EP400: variants seen among roughly 807,000 people sequenced by gnomAD.
EP400 encodes E1A binding protein p400, also known as E1A-binding protein p400.
A neutral mutation model predicts 354.1 loss-of-function variants in EP400; 105 were observed. That is an observed-to-expected ratio of 0.30 (90% CI 0.25 to 0.35). EP400 has a LOEUF of 0.35. Among genes scored for constraint, EP400 ranks in the 10% least tolerant of loss-of-function variants. The pLI is 1.00. For missense variants in EP400, 3,280 were observed against 4,121.0 expected (o/e 0.80, Z 5.59); for synonymous variants, 1,646 against 1,716.9 (o/e 0.96, Z 1.02).
intron 1 of EP400, among the ~76,000 whole-genome samples, chr12:131,958,026 A>G (rs772230003): frequency 6.6e-6 from 1 of 152,190 alleles, no homozygotes; most frequent in African/African-American, 2.4e-5. Context: ...GAATTACTAT[A>G]TGTGAGAGAG....
At chr12:132,037,368 A>G (rs1894753797) in intron 30 of EP400, among the ~76,000 whole-genome samples, 1 of 152,230 alleles carries the variant, frequency 6.6e-6, no homozygotes, top group Non-Finnish European at 1.5e-5. Flanking sequence ...TGCTGGAGGT[A>G]CATCTGGAAG....
chr12:132,064,154 C>T (rs1037815070), intron 47 of EP400, among the ~76,000 whole-genome samples: 5 of 152,006 alleles, frequency 3.3e-5, no homozygotes, highest in Non-Finnish European at 5.9e-5. Context: ...ACACCAGTGC[C>T]GTCAACATCA....
chr12:131,975,092 T>C (rs1892426074), intron 2 of EP400, among the ~76,000 whole-genome samples: 2 of 150,676 alleles, frequency 1.3e-5, no homozygotes, highest in Non-Finnish European at 2.9e-5. Context: ...CAAGGCTGAG[T>C]GTGCCGTGCC....
Position 132,013,893 on chromosome 12 carries a change from G to T in EP400, c.3903G>T (p.Glu1301Asp). 1 of 1,614,228 alleles carries T rather than the reference G, an allele frequency of 6.2e-7. No homozygotes were observed. The highest frequency in any genetic ancestry group is 1.3e-5 in the African/African-American group (1 of 75,062). The change falls in exon 19 of 53, where the codon GAG becomes GAT. Residue 1301 changes from glutamate to aspartate, a missense_variant. Coordinates refer to ENST00000389561, the MANE Select transcript of EP400 (RefSeq NM_015409.5). The surrounding 1 kb of genome is among the most constrained non-coding windows in gnomAD (Gnocchi z 4.5). ...RLSNRQKALY[E>D]DVILQPGTQE... ...CTAACCGACAAAAAGCCTTATACGA[G>T]GACGTTATCCTGCAACCTGGGTGAG...
rs968072622 is a variant in EP400 at position 132,054,844 on chromosome 12, G to C, written c.7729-130G>C. On this transcript the variant is annotated intron_variant, in intron 43 of 52. Coordinates refer to ENST00000389561, the MANE Select transcript of EP400 (RefSeq NM_015409.5). The surrounding 1 kb of genome is among the most constrained non-coding windows in gnomAD (Gnocchi z 4.0). The stretch of plus-strand genomic sequence containing the variant: ...ACCGCCAGGTGGAATGAGCTGGGGA[G>C]GATGGGACAGGTGGCTGTGTGAATG... 2.2e-6 allele frequency: 2 copies of C among 928,400 alleles called. No homozygotes were observed. Among genetic ancestry groups the C allele is most frequent in the African/African-American group, 3.3e-5 (2 of 61,100 alleles). 57.5% of individuals were successfully genotyped at this position (928,400 alleles called of 1,614,324 possible). A position where few individuals can be genotyped will look rare whatever the true frequency, so the allele number is the denominator to read the frequency against.
intron 51 of EP400, 33 bp downstream of exon 51, chr12:132,069,674 C>A (rs745604779): frequency 6.2e-7 from 1 of 1,610,528 alleles, no homozygotes; most frequent in Non-Finnish European, 8.5e-7. Context: ...GCCCGAGTGT[C>A]AGGAGTGGGT....
intron 39 of EP400, 78 bp downstream of exon 39, chr12:132,045,978 C>CAGTGAAGAGCAGGACTGGAG: frequency 1.3e-6 from 2 of 1,531,596 alleles, no homozygotes; most frequent in Non-Finnish European, 1.8e-6. Context: ...CAGCTCCAGT[C>CAGTGAAGAGCAGGACTGGAG]CTGCTCTTCA....
intron 4 of EP400, 94 bp downstream of exon 4, chr12:131,981,690 A>AG: frequency 9.1e-7 from 1 of 1,103,538 alleles, no homozygotes; most frequent in South Asian, 1.4e-5. Context: ...TGGGCAGTGG[A>AG]GGTAGCGTGT....
chr12:131,989,747 T>C (rs762932897), intron 7 of EP400, among the ~76,000 whole-genome samples: 2 of 152,192 alleles, frequency 1.3e-5, no homozygotes, highest in Non-Finnish European at 2.9e-5. Flanking sequence ...TGGTGAAAAG[T>C]ATAAAAACAC....
At position 132,055,184 on chromosome 12, in the gene EP400, G is replaced by A. The variant is rs749524997; in HGVS notation, c.7860G>A (p.Ser2620=). The change falls in exon 45 of 53, where the codon TCG becomes TCA. Residue 2620 remains serine (S), a synonymous_variant. Transcript: ENST00000389561. ...AGTCCATCAACAAGCGCCTGGCGTC[G>A]CCAGTGGCTCCTGGGGCCTTGACTG... The part of the protein sequence containing the change: ...TFQSINKRLA[S]PVAPGALTTP... 13 of 1,575,220 alleles carry A rather than the reference G, an allele frequency of 8.3e-6. No individual in the cohort carries two copies. Among genetic ancestry groups the A allele is most frequent in the East Asian group, 4.7e-5 (2 of 42,304 alleles).
At chr12:131,981,980 G>A in intron 4 of EP400, 113 bp from the exon 5 acceptor site, 3 of 1,348,388 alleles carry the variant, frequency 2.2e-6, no homozygotes, top group South Asian at 1.5e-5. Context: ...TCTCGTGTGA[G>A]TGTGGTGGGT....
At chr12:131,978,724 G>A (rs1428585549) in intron 2 of EP400, among the ~76,000 whole-genome samples, 1 of 151,974 alleles carries the variant, frequency 6.6e-6, no homozygotes, top group Non-Finnish European at 1.5e-5. Flanking sequence ...TGTTGCCCAG[G>A]CTGGTTTTGA....
chr12:132,014,049 TG>T, intron 19 of EP400, 136 bp downstream of exon 19: 1 of 1,199,700 alleles, frequency 8.3e-7, no homozygotes, highest in South Asian at 1.5e-5. Context: ...GGCACCCTCC[TG>T]GGGGCAGCAG....
intron 1 of EP400, among the ~76,000 whole-genome samples, chr12:131,950,357 G>A (rs1444365422): frequency 6.6e-6 from 1 of 152,124 alleles, no homozygotes; most frequent in Non-Finnish European, 1.5e-5. Context: ...CGGCGTTGCG[G>A]GAACCGGGGG....
At chr12:131,954,377 C>T (rs531842789) in intron 1 of EP400, among the ~76,000 whole-genome samples, 33 of 151,800 alleles carry the variant, frequency 2.2e-4, no homozygotes, top group Middle Eastern at 3.4e-3. Flanking sequence ...GTTTGAGCCC[C>T]AGTAGTTCGA....
At position 132,018,518 on chromosome 12, in the gene EP400, G is replaced by A; in HGVS notation, c.4277+142G>A. 1 of 1,240,044 alleles carries A rather than the reference G, an allele frequency of 8.1e-7. No individual in the cohort carries two copies. Among genetic ancestry groups the A allele is most frequent in the Middle Eastern group, 2.9e-4 (1 of 3,490 alleles). 76.8% of individuals were successfully genotyped at this position (1,240,044 alleles called of 1,614,324 possible). A position where few individuals can be genotyped will look rare whatever the true frequency, so the allele number is the denominator to read the frequency against. On this transcript the variant is annotated intron_variant, in intron 21 of 52. Transcript: ENST00000389561. The surrounding 1 kb of genome is among the most constrained non-coding windows in gnomAD (Gnocchi z 4.0). ...TGGGACCTTGCTGGTGTCCTTGGCT[G>A]TGGTATGCCTGGCTCTGCAGATGCC...
intron 2 of EP400, among the ~76,000 whole-genome samples, chr12:131,978,766 G>T (rs1892569577): frequency 1.3e-5 from 2 of 152,102 alleles, no homozygotes; most frequent in African/African-American, 4.8e-5. Flanking sequence ...TCCCACCTCA[G>T]CCTTCCAAAG....
intron 47 of EP400, among the ~76,000 whole-genome samples, chr12:132,062,956 G>A (rs141909595): frequency 1.8e-4 from 28 of 152,328 alleles, no homozygotes; most frequent in Non-Finnish European, 3.2e-4. Context: ...GTGCAAATGC[G>A]TCTTCTTGCT....
intron 12 of EP400, among the ~76,000 whole-genome samples, chr12:132,002,294 C>T (rs759286300): frequency 3.9e-5 from 6 of 152,288 alleles, no homozygotes; most frequent in East Asian, 1.9e-4. Flanking sequence ...TGTATTTTCT[C>T]ACCTGTTCTT....
Sources: gnomAD v4.1 joint callset for allele counts (sites outside exome capture counted in the v4.1 genomes callset) on GRCh38, gnomAD v4.1.1 for gene constraint, Gnocchi (gnomAD v3.1) non-coding constraint, MANE v1.5 for transcripts, NCBI Gene and HGNC (gene_info 2026-07-23, HGNC 2026-07-21) for gene names.